The following CNTN3 variants were observed in gnomAD, a reference collection of about 807,000 sequenced individuals.
The protein encoded by CNTN3 is contactin 3, also known as contactin-3.
CNTN3 carries 60 observed loss-of-function variants against 119.1 expected under a neutral mutation model. The observed-to-expected ratio is 0.50, with a 90% CI of 0.41 to 0.62. CNTN3 has a LOEUF of 0.62. CNTN3 is among the 20% of genes least tolerant of loss of function. The pLI is 0.00. For missense variants in CNTN3, 1,101 were observed against 1,242.4 expected (o/e 0.89, Z 1.71); for synonymous variants, 450 against 438.7 (o/e 1.03, Z -0.32).
rs146239698 is a variant in CNTN3, at chr3:74,272,365, A to G, written c.2705-4987T>C. On this transcript the variant is annotated intron_variant, in intron 20 of 22. Coordinates refer to ENST00000263665, the MANE Select transcript of CNTN3 (RefSeq NM_020872.3). ...AAAAGTGCCAAAACTCTTACAAAAT[A>G]AAGTTCATAAGTTTTACACATTTAG... is the stretch of plus-strand genomic sequence containing the variant. Among the ~76,000 whole-genome samples, 89 of 152,336 alleles carry G rather than the reference A, an allele frequency of 5.8e-4. No homozygotes were observed. The East Asian group carries it at 7.3e-3, about 13-fold the overall frequency.
chr3:74,602,939 CA>C (rs1295604651), intron 1 of CNTN3, among the ~76,000 whole-genome samples: 1 of 152,044 alleles, frequency 6.6e-6, no homozygotes, highest in East Asian at 1.9e-4. Flanking sequence ...TCCTTAGAGA[CA>C]AAATCTGAAA....
At position 74,424,885 on chromosome 3, in the gene CNTN3, C is replaced by G. The variant is rs781756581; in HGVS notation, c.414G>C (p.Gln138His). Residue 138 changes from glutamine to histidine, a missense_variant, in exon 5 of 23, where the codon CAG (glutamine) becomes CAC (histidine). Gln to His is a conservative substitution (Grantham distance 24). Transcript: ENST00000263665. ...MRSTVSVREG[Q>H]GVVLLCGPPP... ...GGGGGCCGCAGAGCAGCACAACTCC[C>G]TGGCCTTCACGCACAGACACTGTAC... 1.2e-6 allele frequency: 2 copies of G among 1,613,586 alleles called. No homozygotes were observed. Among genetic ancestry groups the G allele is most frequent in the Admixed American group, 3.3e-5 (2 of 59,968 alleles).
intron 13 of CNTN3, among the ~76,000 whole-genome samples, chr3:74,313,188 C>T (rs1702739236): frequency 2.6e-5 from 4 of 151,262 alleles, no homozygotes; most frequent in Admixed American, 2.0e-4. Flanking sequence ...GGAACAACTA[C>T]CAAGGGTATA....
chr3:74,516,637 G>T (rs1703455410), intron 2 of CNTN3, among the ~76,000 whole-genome samples: 1 of 150,458 alleles, frequency 6.6e-6, no homozygotes, highest in Non-Finnish European at 1.5e-5. Flanking sequence ...TTTCATACTT[G>T]GGGGGATGGT....
chr3:74,324,922 G>A (rs908179120), intron 13 of CNTN3, among the ~76,000 whole-genome samples: 13 of 152,200 alleles, frequency 8.5e-5, no homozygotes, highest in African/African-American at 2.9e-4. Context: ...TTGTGTGTAA[G>A]TGAAAGATTT....
intron 1 of CNTN3, among the ~76,000 whole-genome samples, chr3:74,532,400 T>C (rs373233179): frequency 7.1e-4 from 108 of 152,134 alleles, no homozygotes; most frequent in African/African-American, 2.4e-3. Context: ...CCAAACCTTA[T>C]GTATACTTTA....
At chr3:74,341,053 A>C (rs1703524334) in intron 11 of CNTN3, among the ~76,000 whole-genome samples, 1 of 152,124 alleles carries the variant, frequency 6.6e-6, no homozygotes, top group South Asian at 2.1e-4. Flanking sequence ...ACAAAACCTA[A>C]CACCTTCAGA....
intron 11 of CNTN3, among the ~76,000 whole-genome samples, chr3:74,343,766 C>T (rs589344): frequency 0.37 from 55,576 of 152,082 alleles, 10,658 homozygotes; most frequent in African/African-American, 0.49. Context: ...GCGGATTCTT[C>T]AAAATGCCCA....
At chr3:74,293,058 A>C (rs1158955961) in intron 19 of CNTN3, among the ~76,000 whole-genome samples, 1 of 152,164 alleles carries the variant, frequency 6.6e-6, no homozygotes, top group Non-Finnish European at 1.5e-5. Context: ...TCTGTCTCTG[A>C]TCAGGCTTCT....
intron 5 of CNTN3, among the ~76,000 whole-genome samples, chr3:74,378,731 T>C (rs1188325414): frequency 6.6e-6 from 1 of 152,230 alleles, no homozygotes; most frequent in Admixed American, 6.5e-5. Context: ...GCTTAAAATG[T>C]TTATCTGGTC....
intron 3 of CNTN3, among the ~76,000 whole-genome samples, chr3:74,492,941 A>C (rs1702994717): frequency 6.6e-6 from 1 of 152,156 alleles, no homozygotes; most frequent in African/African-American, 2.4e-5. Context: ...TATTTTGTAC[A>C]TGACAGGGAC....
chr3:74,600,657 T>A (rs1704895011), intron 1 of CNTN3, among the ~76,000 whole-genome samples: 1 of 152,096 alleles, frequency 6.6e-6, no homozygotes, highest in Admixed American at 6.6e-5. Context: ...GGCCATGACC[T>A]CAGATTTACC....
intron 4 of CNTN3, among the ~76,000 whole-genome samples, chr3:74,443,820 G>C (rs527274475): frequency 2.2e-4 from 33 of 152,160 alleles, no homozygotes; most frequent in African/African-American, 7.2e-4. Context: ...AGAAACTCTT[G>C]GTCAAGACAC....
chr3:74,451,890 C>T (rs1234439344), intron 4 of CNTN3, among the ~76,000 whole-genome samples: 1 of 137,588 alleles, frequency 7.3e-6, no homozygotes, highest in Admixed American at 7.4e-5. Context: ...GTTTTGGTAC[C>T]AGTACCATGC....
intron 20 of CNTN3, among the ~76,000 whole-genome samples, chr3:74,269,746 A>ATTT (rs1701733153): frequency 6.6e-6 from 1 of 152,178 alleles, no homozygotes; most frequent in Non-Finnish European, 1.5e-5. Context: ...ATGCTAAGTG[A>ATTT]AATAAGCCAG....
intron 1 of CNTN3, among the ~76,000 whole-genome samples, chr3:74,607,975 T>A (rs1435584714): frequency 2.0e-5 from 3 of 152,198 alleles, no homozygotes; most frequent in African/African-American, 7.2e-5. Flanking sequence ...TGTACCAATG[T>A]CAATTTCCTG....
intron 1 of CNTN3, among the ~76,000 whole-genome samples, chr3:74,546,743 T>C (rs750204306): frequency 6.6e-6 from 1 of 152,164 alleles, no homozygotes; most frequent in Non-Finnish European, 1.5e-5. Flanking sequence ...TCCTTGCTCC[T>C]GAGCTTGCCA....
At chr3:74,420,682 G>A (rs968121608) in intron 5 of CNTN3, among the ~76,000 whole-genome samples, 1 of 152,168 alleles carries the variant, frequency 6.6e-6, no homozygotes, top group African/African-American at 2.4e-5. Context: ...CTTCTGCTGA[G>A]GACTCTGTGA....
At chr3:74,542,478 C>T (rs1703856173) in intron 1 of CNTN3, among the ~76,000 whole-genome samples, 1 of 152,100 alleles carries the variant, frequency 6.6e-6, no homozygotes, top group Non-Finnish European at 1.5e-5. Context: ...ATTTCCTCTA[C>T]CCAAGCAAAA....
Sources: gnomAD v4.1 joint callset for allele counts (sites outside exome capture counted in the v4.1 genomes callset) on GRCh38, gnomAD v4.1.1 for gene constraint, MANE v1.5 for transcripts, NCBI Gene and HGNC (gene_info 2026-07-23, HGNC 2026-07-21) for gene names.